Variants in LRMDA observed in about 807,000 individuals in gnomAD.
LRMDA encodes leucine-rich melanocyte differentiation-associated protein.
LRMDA carries 18 observed loss-of-function variants against 29.8 expected under a neutral mutation model. That is an observed-to-expected ratio of 0.60 (90% confidence interval 0.42 to 0.90). The LOEUF is 0.90. LRMDA is among the 40% of genes least tolerant of loss of function. The pLI is 0.00. For synonymous variants in LRMDA, 125 were observed against 109.4 expected, an observed-to-expected ratio of 1.14 and a Z score of -0.89; for missense variants, 273 against 273.9, an observed-to-expected ratio of 1.00 and a Z score of 0.02.
intron 5 of LRMDA, among the ~76,000 whole-genome samples, chr10:76,136,385 T>C (rs1232348088): frequency 6.6e-6 from 1 of 152,206 alleles, no homozygotes; most frequent in Non-Finnish European, 1.5e-5. Context: ...GCCAATACAT[T>C]GTCACTTGGG....
intron 2 of LRMDA, among the ~76,000 whole-genome samples, chr10:75,935,737 T>C (rs1401207115): frequency 6.6e-6 from 1 of 152,132 alleles, no homozygotes; most frequent in Non-Finnish European, 1.5e-5. Context: ...AGTGGTGAGT[T>C]TGGAGAGGGA....
chr10:75,780,240 T>A (rs1238703507), intron 2 of LRMDA, among the ~76,000 whole-genome samples: 1 of 152,204 alleles, frequency 6.6e-6, no homozygotes, highest in African/African-American at 2.4e-5. Flanking sequence ...ATGGCTATAG[T>A]AGCTAGTATG....
chr10:76,384,318 A>C (rs1396600159), intron 6 of LRMDA, among the ~76,000 whole-genome samples: 2 of 152,238 alleles, frequency 1.3e-5, no homozygotes, highest in Non-Finnish European at 2.9e-5. Context: ...GTTATCTACT[A>C]TATGCCAGAT....
intron 2 of LRMDA, among the ~76,000 whole-genome samples, chr10:75,559,014 CA>C (rs1840254845): frequency 6.7e-6 from 1 of 150,248 alleles, no homozygotes; most frequent in Non-Finnish European, 1.5e-5. Context: ...GTCTTTATAG[CA>C]GCATGATTTA....
At chr10:76,362,057 G>A (rs1052872644) in intron 6 of LRMDA, among the ~76,000 whole-genome samples, 1 of 152,184 alleles carries the variant, frequency 6.6e-6, no homozygotes. Flanking sequence ...CGAGTTCAGA[G>A]GGGACCGGAG....
At chr10:76,212,853 C>T (rs1049884271) in intron 5 of LRMDA, among the ~76,000 whole-genome samples, 7 of 152,028 alleles carry the variant, frequency 4.6e-5, no homozygotes, top group Admixed American at 4.6e-4. Context: ...ATAACTAGGG[C>T]TTGGTCAAGC....
At chr10:75,577,900 G>A (rs1459648919) in intron 2 of LRMDA, among the ~76,000 whole-genome samples, 2 of 152,074 alleles carry the variant, frequency 1.3e-5, no homozygotes, top group Non-Finnish European at 2.9e-5. Context: ...ATTAAACATG[G>A]AAAGGATCAA....
chr10:76,122,195 G>A (rs1174000481), intron 5 of LRMDA, among the ~76,000 whole-genome samples: 1 of 152,102 alleles, frequency 6.6e-6, no homozygotes, highest in African/African-American at 2.4e-5. Context: ...TATCTCCAAG[G>A]GAGTGTGAGA....
chr10:76,299,065 T>G (rs1175311728), intron 5 of LRMDA, among the ~76,000 whole-genome samples: 1 of 152,192 alleles, frequency 6.6e-6, no homozygotes, highest in Non-Finnish European at 1.5e-5. Flanking sequence ...AATTAGTTGC[T>G]TTCACTTTTA....
At chr10:76,231,446 T>C (rs1852057283) in intron 5 of LRMDA, among the ~76,000 whole-genome samples, 1 of 152,204 alleles carries the variant, frequency 6.6e-6, no homozygotes, top group South Asian at 2.1e-4. Flanking sequence ...AATACACAAG[T>C]GTGGAGAATG....
chr10:76,476,990 C>G (rs1355212455), intron 6 of LRMDA, among the ~76,000 whole-genome samples: 1 of 152,096 alleles, frequency 6.6e-6, no homozygotes, highest in African/African-American at 2.4e-5. Flanking sequence ...AAAATGGGCA[C>G]AAGACAGGGA....
intron 2 of LRMDA, among the ~76,000 whole-genome samples, chr10:75,727,221 G>A (rs1842641583): frequency 6.6e-6 from 1 of 152,156 alleles, no homozygotes. Context: ...CTGTGTGCAT[G>A]TTTCTGTGGG....
intron 6 of LRMDA, among the ~76,000 whole-genome samples, chr10:76,418,467 T>C (rs558753124): frequency 6.6e-6 from 1 of 152,166 alleles, no homozygotes; most frequent in African/African-American, 2.4e-5. Flanking sequence ...TATATAAAGA[T>C]TGAAATAATT....
intron 1 of LRMDA, among the ~76,000 whole-genome samples, chr10:75,437,918 A>G (rs998039408): frequency 2.0e-5 from 3 of 151,988 alleles, no homozygotes; most frequent in African/African-American, 4.8e-5. Flanking sequence ...TTCCAACCCT[A>G]TTTGTTCCAG....
chr10:76,541,593 A>G (rs76327590), intron 6 of LRMDA, among the ~76,000 whole-genome samples: 1 of 65,098 alleles, frequency 1.5e-5, no homozygotes, highest in Admixed American at 1.9e-4. Flanking sequence ...TTTTGTTTCC[A>G]GGGGTAAGAA....
chr10:76,075,249 G>A (rs942420626), intron 5 of LRMDA, among the ~76,000 whole-genome samples: 22 of 152,212 alleles, frequency 1.4e-4, no homozygotes, highest in Non-Finnish European at 5.9e-5. Flanking sequence ...GTTAAAATGA[G>A]ACTGTTAAGG....
At chr10:75,903,042 T>C (rs1238849842) in intron 2 of LRMDA, among the ~76,000 whole-genome samples, 1 of 152,234 alleles carries the variant, frequency 6.6e-6, no homozygotes, top group Non-Finnish European at 1.5e-5. Flanking sequence ...GGGGCCGTTC[T>C]GACTGATGAC....
At chr10:75,458,758 G>A (rs941060696) in intron 2 of LRMDA, among the ~76,000 whole-genome samples, 24 of 152,054 alleles carry the variant, frequency 1.6e-4, no homozygotes, top group African/African-American at 4.3e-4. Context: ...CAAGCTTTCC[G>A]TCAGGTAGCA....
chr10:75,711,204 T>C (rs570823344), intron 2 of LRMDA, among the ~76,000 whole-genome samples: 1 of 152,294 alleles, frequency 6.6e-6, no homozygotes, highest in African/African-American at 2.4e-5. Flanking sequence ...GGAGAGGTGA[T>C]GGGATGTGCC....
Sources: gnomAD v4.1 joint callset for allele counts (sites outside exome capture counted in the v4.1 genomes callset) on GRCh38, gnomAD v4.1.1 for gene constraint, MANE v1.5 for transcripts, NCBI Gene and HGNC (gene_info 2026-07-23, HGNC 2026-07-21) for gene names.